The following RUNX2 variants were observed in gnomAD, a reference collection of about 807,000 sequenced individuals.
RUNX2 encodes RUNX family transcription factor 2.
RUNX2 carries 10 observed loss-of-function variants against 51.7 expected under a neutral mutation model. The observed-to-expected ratio is 0.19, with a 90% CI of 0.12 to 0.33. The LOEUF (loss-of-function observed/expected upper bound fraction) is 0.33, where lower values mean the gene tolerates loss of function less well. Ranked by LOEUF, RUNX2 falls within the 10% of genes least tolerant of loss-of-function variation. The probability of loss-of-function intolerance (pLI) is 1.00; values close to 1 mark genes in which losing one functional copy is unlikely to be tolerated. For synonymous variants in RUNX2, 276 were observed against 273.6 expected, an observed-to-expected ratio of 1.01 and a Z score of -0.09; for missense variants, 562 against 691.3, an observed-to-expected ratio of 0.81 and a Z score of 2.10.
intron 7 of RUNX2, among the ~76,000 whole-genome samples, chr6:45,517,571 G>A (rs972185731): frequency 2.0e-5 from 3 of 151,904 alleles, no homozygotes; most frequent in African/African-American, 4.8e-5. Flanking sequence ...CTTTCTGTAA[G>A]GTTATTTTTT....
At chr6:45,500,767 C>T (rs1241204361) in intron 6 of RUNX2, among the ~76,000 whole-genome samples, 1 of 152,202 alleles carries the variant, frequency 6.6e-6, no homozygotes, top group Non-Finnish European at 1.5e-5. Context: ...TTCTCTCCCA[C>T]AGTGGTTACA....
At chr6:45,454,393 G>A (rs953530955) in intron 5 of RUNX2, among the ~76,000 whole-genome samples, 3 of 152,234 alleles carry the variant, frequency 2.0e-5, no homozygotes, top group East Asian at 1.9e-4. Context: ...CGTAGCATGA[G>A]ATTTGTGGCA....
chr6:45,346,637 G>A (rs139559014), intron 2 of RUNX2, among the ~76,000 whole-genome samples: 43 of 147,996 alleles, frequency 2.9e-4, no homozygotes, highest in Admixed American at 4.2e-4. Flanking sequence ...GTGCGATCTC[G>A]GCTCACTGCA....
chr6:45,407,390 G>C (rs1797860406), intron 2 of RUNX2, among the ~76,000 whole-genome samples: 1 of 152,098 alleles, frequency 6.6e-6, no homozygotes, highest in Non-Finnish European at 1.5e-5. Flanking sequence ...AGTGATGTGA[G>C]ACACCTTCAT....
chr6:45,464,215 A>T (rs1360279807), intron 5 of RUNX2, among the ~76,000 whole-genome samples: 1 of 152,034 alleles, frequency 6.6e-6, no homozygotes, highest in South Asian at 2.1e-4. Flanking sequence ...AATGTTTACA[A>T]CATCAGAGAC....
intron 7 of RUNX2, among the ~76,000 whole-genome samples, chr6:45,542,659 A>C (rs934958287): frequency 1.3e-5 from 2 of 152,256 alleles, no homozygotes; most frequent in Non-Finnish European, 2.9e-5. Context: ...CTGGGGCAAC[A>C]CTTAGGCAGT....
At chr6:45,477,729 A>T (rs1004304387) in intron 5 of RUNX2, among the ~76,000 whole-genome samples, 1 of 152,230 alleles carries the variant, frequency 6.6e-6, no homozygotes, top group African/African-American at 2.4e-5. Flanking sequence ...ACGTAAAAAC[A>T]ATTTCCTAAC....
intron 2 of RUNX2, among the ~76,000 whole-genome samples, chr6:45,407,645 A>T (rs1297126940): frequency 1.3e-5 from 2 of 151,778 alleles, no homozygotes; most frequent in Admixed American, 6.6e-5. Flanking sequence ...GGAACATGCC[A>T]ACCAAGCCCA....
chr6:45,474,606 C>A (rs978702137), intron 5 of RUNX2, among the ~76,000 whole-genome samples: 1 of 152,004 alleles, frequency 6.6e-6, no homozygotes, highest in Non-Finnish European at 1.5e-5. Context: ...GTTGGTAATG[C>A]TGGGGAGTTG....
chr6:45,485,580 T>C (rs1800247712), intron 5 of RUNX2, among the ~76,000 whole-genome samples: 1 of 151,142 alleles, frequency 6.6e-6, no homozygotes, highest in Non-Finnish European at 1.5e-5. Flanking sequence ...AAGACTAGAG[T>C]TATAAAGTGG....
chr6:45,412,664 T>C (rs1335487586), intron 2 of RUNX2, among the ~76,000 whole-genome samples: 2 of 151,296 alleles, frequency 1.3e-5, no homozygotes. Flanking sequence ...AAAAAACAGT[T>C]TTTTTCCTAC....
chr6:45,546,368 A>G (rs370899875), intron 8 of RUNX2, among the ~76,000 whole-genome samples: 2 of 152,356 alleles, frequency 1.3e-5, no homozygotes, highest in East Asian at 3.9e-4. Flanking sequence ...GAGCCTACCA[A>G]GAGTAAATAA....
chr6:45,356,204 T>C (rs143554062), intron 2 of RUNX2, among the ~76,000 whole-genome samples: 58 of 152,266 alleles, frequency 3.8e-4, no homozygotes, highest in Middle Eastern at 3.4e-3. Flanking sequence ...AGGCATATGG[T>C]ATTTCACAGC....
At chr6:45,433,172 T>C (rs921085663) in intron 4 of RUNX2, among the ~76,000 whole-genome samples, 9 of 152,200 alleles carry the variant, frequency 5.9e-5, no homozygotes, top group African/African-American at 2.2e-4. Flanking sequence ...GCTAATGAGA[T>C]ACTGTCACTG....
intron 2 of RUNX2, among the ~76,000 whole-genome samples, chr6:45,418,386 T>C (rs1275662619): frequency 6.6e-6 from 1 of 152,224 alleles, no homozygotes; most frequent in Non-Finnish European, 1.5e-5. Flanking sequence ...GGTGGGATTA[T>C]GTTTGTATCT....
rs202046248 is a variant in RUNX2, at chr6:45,328,619, T to C, written c.-66-42T>C. 1,255 of 1,608,926 alleles carry C rather than the reference T, an allele frequency of 7.8e-4. 4 individuals carry two copies. The highest frequency in any genetic ancestry group is 4.1e-3 in the South Asian group (375 of 90,712). On this transcript the variant is annotated intron_variant, in intron 1 of 8. Coordinates refer to ENST00000647337, the MANE Select transcript of RUNX2 (RefSeq NM_001024630.4). ...TAAAGTCTATGTACTCCAGGCATAC[T>C]GTAAAACTAAAACAAGGTTTGGGTA... is the stretch of plus-strand genomic sequence containing the variant.
At chr6:45,534,556 T>C (rs1254173641) in intron 7 of RUNX2, among the ~76,000 whole-genome samples, 1 of 152,104 alleles carries the variant, frequency 6.6e-6, no homozygotes, top group African/African-American at 2.4e-5. Context: ...TTTTTGTTCA[T>C]AGGATAAAGA....
intron 6 of RUNX2, among the ~76,000 whole-genome samples, chr6:45,502,960 G>A (rs546390058): frequency 6.6e-6 from 1 of 152,192 alleles, no homozygotes; most frequent in African/African-American, 2.4e-5. Context: ...CTAAACACAG[G>A]CCTTCTATCA....
At chr6:45,396,603 G>A (rs1261990583) in intron 2 of RUNX2, among the ~76,000 whole-genome samples, 2 of 152,058 alleles carry the variant, frequency 1.3e-5, no homozygotes, top group African/African-American at 4.8e-5. Context: ...ACAGGGTCTC[G>A]CTATGTTGTT....
Sources: allele counts gnomAD v4.1 joint callset (sites outside exome capture counted in the v4.1 genomes callset), GRCh38; gene constraint gnomAD v4.1.1; transcripts MANE v1.5; gene names NCBI Gene and HGNC (gene_info 2026-07-23, HGNC 2026-07-21).